RASAL1: variants seen among roughly 807,000 people sequenced by gnomAD.
RASAL1 encodes the protein rasGAP-activating-like protein 1.
In RASAL1, 72 loss-of-function variants were observed where a neutral mutation model predicts 96.6. That is an observed-to-expected ratio of 0.75 (90% confidence interval 0.62 to 0.91). The LOEUF is 0.91. Among genes scored for constraint, RASAL1 ranks in the 40% least tolerant of loss-of-function variants. The pLI is 0.00. For synonymous variants in RASAL1, 405 were observed against 430.4 expected (o/e 0.94, Z 0.73); for missense variants, 1,016 against 1,072.5 (o/e 0.95, Z 0.74).
chr12:113,103,005 C>T, intron 18 of RASAL1: 1 of 272,062 alleles, frequency 3.7e-6, no homozygotes, highest in South Asian at 3.3e-5. Context: ...ATTTAAGCAG[C>T]ACCTCCTCCA....
intron 13 of RASAL1, among the ~76,000 whole-genome samples, chr12:113,109,999 A>G (rs1950810357): frequency 6.6e-6 from 1 of 152,226 alleles, no homozygotes; most frequent in Admixed American, 6.5e-5. Flanking sequence ...GCTGAGAACT[A>G]GAGGACACTT....
At chr12:113,109,793 C>T (rs1320221373) in intron 13 of RASAL1, among the ~76,000 whole-genome samples, 1 of 152,198 alleles carries the variant, frequency 6.6e-6, no homozygotes, top group Non-Finnish European at 1.5e-5. Context: ...CTGAACTGTC[C>T]CCCTCCATCT....
chr12:113,123,889 C>G (rs1359376976), intron 4 of RASAL1, among the ~76,000 whole-genome samples: 1 of 151,984 alleles, frequency 6.6e-6, no homozygotes, highest in Non-Finnish European at 1.5e-5. Context: ...AGTCTCATGA[C>G]TTGAGATGGA....
chr12:113,112,345 GC>G (rs1950899843), intron 12 of RASAL1, 67 bp from the exon 13 acceptor site: 1 of 1,182,652 alleles, frequency 8.5e-7, no homozygotes. Context: ...CCCTCCACCG[GC>G]CCCGCTGAGC....
rs141266799 is a variant in RASAL1, at chr12:113,115,951, C to T, written c.832G>A (p.Val278Met). The T allele has an allele frequency of 7.5e-6, 12 of 1,604,964 alleles. No homozygotes were observed. The African/African-American group carries it at 1.5e-4, about 20-fold the overall frequency. ...QPLMELLMES[V>M]QGPAEEDTAS... is the part of the protein sequence containing the mutation. ...GCACCCACCTCTGCTGGCCCCTGCA[C>T]AGACTCCATGAGCAGCTCCATGAGA... Residue 278 changes from valine (V) to methionine (M), a missense_variant, in exon 9 of 21, where the codon GTG becomes ATG. Transcript: ENST00000548055. The surrounding 1 kb of genome is among the most constrained non-coding windows in gnomAD (Gnocchi z 4.1).
intron 4 of RASAL1, among the ~76,000 whole-genome samples, chr12:113,125,922 A>G (rs989806632): frequency 2.0e-5 from 3 of 152,234 alleles, no homozygotes; most frequent in African/African-American, 7.2e-5. Flanking sequence ...ATGCCATCCC[A>G]AACGAAGAAT....
intron 2 of RASAL1, 58 bp from the exon 3 acceptor site, chr12:113,128,236 G>A: frequency 3.3e-6 from 3 of 920,518 alleles, no homozygotes; most frequent in Admixed American, 1.9e-5. Flanking sequence ...GCAGACACCT[G>A]GAGACCCAGA....
Position 113,105,729 on chromosome 12 carries a change from C to T in RASAL1, c.1815G>A (p.Lys605=), listed in dbSNP as rs752798682. 6.2e-7 allele frequency: 1 copy of T among 1,610,434 alleles called. No homozygotes were observed. The highest frequency in any genetic ancestry group is 8.5e-7 in the Non-Finnish European group (1 of 1,177,600). ...WLSGETLSFS[K]SPEWQMCHSI... ...GGAACCCCACCTGCCACTCAGGACT[C>T]TTGGAGAAGGAGAGGGTCTCCCCGC... Residue 605 remains lysine, a synonymous_variant, in exon 16 of 21, where the codon AAG becomes AAA. Coordinates refer to ENST00000548055, the MANE Select transcript of RASAL1 (RefSeq NM_001301202.2).
At chr12:113,126,114 A>G (rs1349456764) in intron 4 of RASAL1, among the ~76,000 whole-genome samples, 2 of 151,308 alleles carry the variant, frequency 1.3e-5, no homozygotes, top group Non-Finnish European at 2.9e-5. Flanking sequence ...GTGAAACCCC[A>G]TCTCTACTAA....
In RASAL1 at chr12:113,117,210, C is replaced by T. The variant is rs376459869; in HGVS notation, c.643-49G>A. ...CTCAGCCGGGCCCTGGCCTGCCCTG[C>T]CCTGCCTGGCTCAGGTCTCACCTAG... On this transcript the variant is annotated intron_variant, in intron 7 of 20. Transcript: ENST00000548055. 57 of 1,412,798 alleles carry T rather than the reference C, an allele frequency of 4.0e-5. No homozygotes were observed. In the Middle Eastern group the frequency reaches 7.2e-4, roughly 18 times the overall value. The allele number at this position is 1,412,798 out of a possible 1,614,324, so 87.5% of individuals were successfully genotyped here.
intron 4 of RASAL1, among the ~76,000 whole-genome samples, chr12:113,127,068 T>C (rs963993452): frequency 6.8e-6 from 1 of 147,752 alleles, no homozygotes; most frequent in Non-Finnish European, 1.5e-5. Context: ...AAATTATTTT[T>C]AGTAGCAATG....
In RASAL1 at chr12:113,107,185, C is replaced by T. The variant is rs1950678248; in HGVS notation, c.1569G>A (p.Trp523Ter). 6.2e-7 allele frequency: 1 copy of T among 1,613,672 alleles called. No individual in the cohort carries two copies. Among genetic ancestry groups the T allele is most frequent in the African/African-American group, 1.3e-5 (1 of 74,932 alleles). Reference protein sequence around the residue: ...GQQLGQGKELWMAPLHPFLLQ... With the variant: ...GQQLGQGKEL The stretch of plus-strand genomic sequence containing the variant: ...GCAGGAAGGGGTGCAGGGGGGCCAT[C>T]CACAGTTCCTTGCCTTGGCCCAGCT... Residue 523 changes from tryptophan to a stop codon, truncating the protein, a stop_gained, in exon 15 of 21, where the codon TGG becomes TGA. Transcript: ENST00000548055. LOFTEE classifies it high-confidence loss of function.
chr12:113,106,579 G>C (rs1950654169), intron 15 of RASAL1, among the ~76,000 whole-genome samples: 1 of 151,688 alleles, frequency 6.6e-6, no homozygotes, highest in African/African-American at 2.4e-5. Flanking sequence ...GCTGTGCCCT[G>C]CCTGGCACAC....
intron 1 of RASAL1, among the ~76,000 whole-genome samples, chr12:113,132,632 G>T (rs529769620): frequency 1.3e-5 from 2 of 152,194 alleles, no homozygotes; most frequent in African/African-American, 4.8e-5. Context: ...AATGCCTCTG[G>T]GATGCCAGGA....
At position 113,102,017 on chromosome 12, in the gene RASAL1, A is replaced by G. The variant is rs1674101; in HGVS notation, c.2105-8T>C. 1,516,246 of 1,611,898 alleles carry G rather than the reference A, an allele frequency of 0.94. 713,868 individuals are homozygous for G. The highest frequency in any genetic ancestry group is 0.97 in the Admixed American group (57,916 of 59,628). On this transcript the variant is annotated splice_region_variant and splice_polypyrimidine_tract_variant and intron_variant, in intron 18 of 20. Coordinates refer to ENST00000548055, the MANE Select transcript of RASAL1 (RefSeq NM_001301202.2). Reference sequence around the variant, plus strand: ...TACGGCTGCAGCCGGCGGCTGAGGGAACACAGCTTCATTCATCAGTAACTC... The same window carrying G: ...TACGGCTGCAGCCGGCGGCTGAGGGGACACAGCTTCATTCATCAGTAACTC...
At chr12:113,103,323 A>G (rs1950527128) in intron 18 of RASAL1, among the ~76,000 whole-genome samples, 1 of 151,720 alleles carries the variant, frequency 6.6e-6, no homozygotes, top group African/African-American at 2.4e-5. Flanking sequence ...TATTAACAAA[A>G]GGCCGGGCAC....
chr12:113,101,436 T>G (rs922962212), intron 19 of RASAL1, among the ~76,000 whole-genome samples: 4 of 152,046 alleles, frequency 2.6e-5, no homozygotes, highest in African/African-American at 9.7e-5. Flanking sequence ...TAAATAAATT[T>G]TTTTAAAAAG....
intron 2 of RASAL1, 146 bp from the exon 3 acceptor site, chr12:113,128,324 C>T: frequency 1.7e-6 from 1 of 604,518 alleles, no homozygotes; most frequent in African/African-American, 1.9e-5. Flanking sequence ...CCCACATGAA[C>T]CCAGTTAGAG....
At position 113,104,114 on chromosome 12, in the gene RASAL1, TG is replaced by T. The variant is rs769540932; in HGVS notation, c.1969-34del. On this transcript the variant is annotated intron_variant, in intron 17 of 20. Transcript: ENST00000548055. ...GGGTGGGAGGCGATCAGGGGGCGGG[TG>T]GGAACAGAGGGACGCCCCCCGCTCC... 18 of 1,122,314 alleles carry T rather than the reference TG, an allele frequency of 1.6e-5. 1 individual carries two copies. In the African/African-American group the frequency reaches 3.1e-4, roughly 19 times the overall value. The allele number at this position is 1,122,314 out of a possible 1,614,324, so 69.5% of individuals were successfully genotyped here. A position where few individuals can be genotyped will look rare whatever the true frequency, so the allele number is the denominator to read the frequency against.
Sources: gnomAD v4.1 joint callset for allele counts (sites outside exome capture counted in the v4.1 genomes callset) on GRCh38, gnomAD v4.1.1 for gene constraint, Gnocchi (gnomAD v3.1) non-coding constraint, MANE v1.5 for transcripts, NCBI Gene and HGNC (gene_info 2026-07-23, HGNC 2026-07-21) for gene names.